Variants in ADCYAP1 observed in about 807,000 individuals in gnomAD.
ADCYAP1 encodes adenylate cyclase activating polypeptide 1.
A neutral mutation model predicts 18.5 loss-of-function variants in ADCYAP1; 6 were observed. The observed-to-expected ratio is 0.32, with a 90% CI of 0.18 to 0.64. The LOEUF (loss-of-function observed/expected upper bound fraction) is 0.64. Among genes scored for constraint, ADCYAP1 ranks in the 30% least tolerant of loss-of-function variants. ADCYAP1 has a pLI of 0.77. For missense variants in ADCYAP1, 314 were observed against 253.6 expected (o/e 1.24, Z -1.62); for synonymous variants, 136 against 113.9 (o/e 1.19, Z -1.24).
Position 909,688 on chromosome 18 carries a change from T to C in ADCYAP1, c.*53T>C. 1 of 1,532,894 alleles carries C rather than the reference T, an allele frequency of 6.5e-7. No homozygotes were observed. Among genetic ancestry groups the C allele is most frequent in the Non-Finnish European group, 8.9e-7 (1 of 1,122,874 alleles). The allele number at this position is 1,532,894 out of a possible 1,614,324, so 95.0% of individuals were successfully genotyped here. ...ACAGCCCTGACGCAATGAAAAGTCG[T>C]TTTCCAAACTGACTCAACAGTCATC... is the stretch of plus-strand genomic sequence containing the variant. On this transcript the variant is annotated 3_prime_UTR_variant, in exon 5 of 5. Coordinates refer to ENST00000450565, the MANE Select transcript of ADCYAP1 (RefSeq NM_001099733.2).
chr18:907,373 G>C (rs529681050), intron 2 of ADCYAP1, among the ~76,000 whole-genome samples: 1 of 152,012 alleles, frequency 6.6e-6, no homozygotes, highest in Non-Finnish European at 1.5e-5. Context: ...GTGCGCGATC[G>C]GCGGAGACGC....
At position 905,497 on chromosome 18, in the gene ADCYAP1, G is replaced by A. The variant is rs1909132330; in HGVS notation, c.110+1G>A. ...CCGGACTCCGGTTCCCCGGGATCAG[G>A]TAGGTGCTGGCTGCCTGGCCCAAGC... On this transcript the variant is annotated splice_donor_variant, in intron 2 of 4. Coordinates refer to ENST00000450565, the MANE Select transcript of ADCYAP1 (RefSeq NM_001099733.2). LOFTEE classifies it high-confidence loss of function. The A allele has an allele frequency of 6.2e-7, 1 of 1,605,424 alleles. No homozygotes were observed. Among genetic ancestry groups the A allele is most frequent in the Non-Finnish European group, 8.5e-7 (1 of 1,179,960 alleles).
chr18:905,028 G>A lies in ADCYAP1; in HGVS notation c.-34G>A. On this transcript the variant is annotated 5_prime_UTR_variant, in exon 1 of 5. Coordinates refer to ENST00000450565, the MANE Select transcript of ADCYAP1 (RefSeq NM_001099733.2). The stretch of plus-strand genomic sequence containing the variant: ...AAGCGCTTTGCCCGCCGTCCTACCT[G>A]GCAGCTCTCCTGGCAGCGGGAGGAG... 3 of 1,296,902 alleles carry A rather than the reference G, an allele frequency of 2.3e-6. No homozygotes were observed. Among genetic ancestry groups the A allele is most frequent in the Non-Finnish European group, 3.0e-6 (3 of 994,166 alleles). 80.3% of individuals were successfully genotyped at this position (1,296,902 alleles called of 1,614,324 possible).
chr18:905,542 G>A (rs781723482), intron 2 of ADCYAP1, 46 bp downstream of exon 2: 3 of 1,592,782 alleles, frequency 1.9e-6, no homozygotes, highest in South Asian at 1.1e-5. Context: ...GGCTTCCCAG[G>A]CACAGACGCT....
chr18:911,931 C>A lies in ADCYAP1; in HGVS notation c.*2296C>A, dbSNP rs572603416. 6.6e-6 allele frequency: 1 copy of A among 152,102 alleles called. No individual in the cohort carries two copies. Among genetic ancestry groups the A allele is most frequent in the Non-Finnish European group, 1.5e-5 (1 of 68,028 alleles). 9.4% of individuals were successfully genotyped at this position (152,102 alleles called of 1,614,324 possible). ...AGTTGCAAGCATTTTACAGTGATCA[C>A]CCAGTTTAATCTTTTGTATACTTTT... is the stretch of plus-strand genomic sequence containing the variant. On this transcript the variant is annotated 3_prime_UTR_variant, in exon 5 of 5. Transcript: ENST00000450565.
upstream of ADCYAP1, chr18:904,851 G>A (rs1298914996): frequency 7.8e-7 from 1 of 1,286,178 alleles, no homozygotes; most frequent in South Asian, 1.2e-5. Context: ...CTGGTTCTGC[G>A]CGTCTACAAA....
At chr18:909,251 A>T (rs1909291973) in intron 4 of ADCYAP1, among the ~76,000 whole-genome samples, 195 bp from the exon 5 acceptor site, 1 of 152,084 alleles carries the variant, frequency 6.6e-6, no homozygotes, top group Non-Finnish European at 1.5e-5. Context: ...CTGCGTGGGG[A>T]GGGGGGCATC....
chr18:904,529 C>G (rs1368820335), upstream of ADCYAP1: 3 of 1,289,182 alleles, frequency 2.3e-6, no homozygotes, highest in Admixed American at 6.9e-5. Context: ...GGCCGGTCAC[C>G]TCTGTAACCA....
intron 3 of ADCYAP1, 79 bp from the exon 4 acceptor site, chr18:908,186 G>T (rs1041099913): frequency 2.3e-6 from 3 of 1,312,340 alleles, no homozygotes; most frequent in Admixed American, 4.2e-5. Flanking sequence ...GAGGGGGCGC[G>T]CGCCCAACAA....
At position 910,666 on chromosome 18, in the gene ADCYAP1, A is replaced by G. The variant is rs1035432744; in HGVS notation, c.*1031A>G. On this transcript the variant is annotated 3_prime_UTR_variant, in exon 5 of 5. Coordinates refer to ENST00000450565, the MANE Select transcript of ADCYAP1 (RefSeq NM_001099733.2). ...TGACTTTGGGCGCTGGGTATTGGAA[A>G]TGGATGCAAAGTACAATGTGTTTTT... 2.0e-5 allele frequency: 3 copies of G among 152,224 alleles called. No homozygotes were observed. Among genetic ancestry groups the G allele is most frequent in the African/African-American group, 7.2e-5 (3 of 41,444 alleles). 9.4% of individuals were successfully genotyped at this position (152,224 alleles called of 1,614,324 possible). A position where few individuals can be genotyped will look rare whatever the true frequency, so the allele number is the denominator to read the frequency against.
At chr18:907,410 C>T in intron 2 of ADCYAP1, 3 of 416,570 alleles carry the variant, frequency 7.2e-6, no homozygotes, top group Non-Finnish European at 8.3e-6. Flanking sequence ...TTGTTGAGGC[C>T]GTGGCCCGCA....
upstream of ADCYAP1, chr18:904,665 C>CT: frequency 1.6e-6 from 2 of 1,221,636 alleles, no homozygotes; most frequent in Non-Finnish European, 2.1e-6. Flanking sequence ...GCCGCCCGCC[C>CT]TCTCCCTTGC....
upstream of ADCYAP1, chr18:904,717 C>T (rs1473514540): frequency 8.1e-7 from 1 of 1,232,764 alleles, no homozygotes; most frequent in Non-Finnish European, 1.0e-6. Context: ...TTCCCTTAAT[C>T]GCCTGCTTCT....
chr18:907,335 G>T (rs920716331), intron 2 of ADCYAP1, among the ~76,000 whole-genome samples: 1 of 152,156 alleles, frequency 6.6e-6, no homozygotes, highest in Non-Finnish European at 1.5e-5. Context: ...CAGGCGGGGA[G>T]GGGGGCGGTC....
rs917143816 is a variant in ADCYAP1, at chr18:911,914, G to A, written c.*2279G>A. On this transcript the variant is annotated 3_prime_UTR_variant, in exon 5 of 5. Coordinates refer to ENST00000450565, the MANE Select transcript of ADCYAP1 (RefSeq NM_001099733.2). ...TTAGTGTTCCCGTGGCTAGTTGCAA[G>A]CATTTTACAGTGATCACCCAGTTTA... The A allele has an allele frequency of 5.9e-5, 9 of 152,254 alleles. No individual in the cohort carries two copies. The highest frequency in any genetic ancestry group is 1.9e-4 in the African/African-American group (8 of 41,552). 9.4% of individuals were successfully genotyped at this position (152,254 alleles called of 1,614,324 possible).
intron 4 of ADCYAP1, among the ~76,000 whole-genome samples, chr18:908,910 C>T (rs1909279718): frequency 6.6e-6 from 1 of 152,154 alleles, no homozygotes; most frequent in Non-Finnish European, 1.5e-5. Context: ...ATAAGTCATG[C>T]AGTGAAAAAT....
At chr18:904,649 G>A, upstream of ADCYAP1, 3 of 1,229,886 alleles carry the variant, frequency 2.4e-6, no homozygotes, top group African/African-American at 3.2e-5. Flanking sequence ...CTACAAAGGC[G>A]GGCTAGCCGC....
rs1909347732 is a variant in ADCYAP1 at position 910,440 on chromosome 18, A to G, written c.*805A>G. 1 of 152,252 alleles carries G rather than the reference A, an allele frequency of 6.6e-6. No homozygotes were observed. Among genetic ancestry groups the G allele is most frequent in the African/African-American group, 2.4e-5 (1 of 41,460 alleles). The allele number at this position is 152,252 out of a possible 1,614,324, so 9.4% of individuals were successfully genotyped here. A position where few individuals can be genotyped will look rare whatever the true frequency, so the allele number is the denominator to read the frequency against. On this transcript the variant is annotated 3_prime_UTR_variant, in exon 5 of 5. Transcript: ENST00000450565. ...CTGTACAGAAAAGGGCGGCTTCGTT[A>G]GACCGCTCTCTTTTCTGTACTTCCT... is the stretch of plus-strand genomic sequence containing the variant.
intron 4 of ADCYAP1, 73 bp from the exon 5 acceptor site, chr18:909,373 C>T: frequency 6.8e-7 from 1 of 1,468,786 alleles, no homozygotes; most frequent in East Asian, 2.3e-5. Context: ...GGGGTGGGGC[C>T]CGCCTGCTCC....
Sources: gnomAD v4.1 joint callset for allele counts (sites outside exome capture counted in the v4.1 genomes callset) on GRCh38, gnomAD v4.1.1 for gene constraint, MANE v1.5 for transcripts, NCBI Gene and HGNC (gene_info 2026-07-23, HGNC 2026-07-21) for gene names.